RAB40C: variants seen among roughly 807,000 people sequenced by gnomAD.
The protein encoded by RAB40C is RAB40C, member RAS oncogene family.
A neutral mutation model predicts 28.1 loss-of-function variants in RAB40C; 8 were observed. The ratio of observed to expected loss-of-function variants is 0.28; its 90% CI spans 0.17 to 0.51. RAB40C has a LOEUF of 0.51. Ranked by LOEUF, RAB40C falls within the 20% of genes least tolerant of loss-of-function variation. RAB40C has a pLI of 0.97. For synonymous variants in RAB40C, 201 were observed against 171.7 expected, an observed-to-expected ratio of 1.17 and a Z score of -1.34; for missense variants, 288 against 405.9, an observed-to-expected ratio of 0.71 and a Z score of 2.50.
At chr16:596,335 C>T (rs1400164490) in intron 1 of RAB40C, 2 of 455,972 alleles carry the variant, frequency 4.4e-6, no homozygotes, top group African/African-American at 4.0e-5. Flanking sequence ...TGAGAAGGCG[C>T]GAAGCTGCTG....
intron 1 of RAB40C, among the ~76,000 whole-genome samples, chr16:593,683 T>A (rs1341738336): frequency 2.6e-5 from 4 of 152,226 alleles, no homozygotes; most frequent in Admixed American, 2.6e-4. Flanking sequence ...TACTGGCACC[T>A]GAGGCAGTGG....
intron 1 of RAB40C, among the ~76,000 whole-genome samples, chr16:597,966 G>T (rs986398471): frequency 5.1e-5 from 7 of 138,048 alleles, no homozygotes; most frequent in Admixed American, 1.5e-4. Flanking sequence ...AAAAAAAAAG[G>T]CCGGGTGCAG....
At chr16:607,186 G>A (rs1338672645) in intron 1 of RAB40C, among the ~76,000 whole-genome samples, 1 of 152,244 alleles carries the variant, frequency 6.6e-6, no homozygotes, top group Non-Finnish European at 1.5e-5. Context: ...CAGACCACCA[G>A]CACGTTGATG....
chr16:590,761 A>G (rs2035976815), intron 1 of RAB40C, among the ~76,000 whole-genome samples: 2 of 151,422 alleles, frequency 1.3e-5, no homozygotes, highest in South Asian at 2.1e-4. Context: ...GGAAGGTGTC[A>G]TGGGTCCTAG....
chr16:594,978 C>T (rs1301682381), intron 1 of RAB40C, among the ~76,000 whole-genome samples: 1 of 152,110 alleles, frequency 6.6e-6, no homozygotes, highest in Non-Finnish European at 1.5e-5. Context: ...TGCCACCATG[C>T]GTGGCTAATT....
chr16:618,053 A>G (rs1287459195), intron 2 of RAB40C, 147 bp from the exon 3 acceptor site: 4 of 721,446 alleles, frequency 5.5e-6, no homozygotes, highest in African/African-American at 1.8e-5. Context: ...ACCTGTGCAG[A>G]CAAAGCCGCT....
In RAB40C at chr16:629,204, C is replaced by T; in HGVS notation, c.*1582C>T. 1 of 251,746 alleles carries T rather than the reference C, an allele frequency of 4.0e-6. No homozygotes were observed. The highest frequency in any genetic ancestry group is 8.2e-6 in the Non-Finnish European group (1 of 121,912). 15.6% of individuals were successfully genotyped at this position (251,746 alleles called of 1,614,324 possible). On this transcript the variant is annotated 3_prime_UTR_variant, in exon 6 of 6. Transcript: ENST00000248139. ...CAACACTACCCGCGCTGCTGTTAGA[C>T]ACTCCGCCATTCCTGGTTCTCTCCG...
At chr16:597,060 G>A (rs547900574) in intron 1 of RAB40C, among the ~76,000 whole-genome samples, 2 of 152,326 alleles carry the variant, frequency 1.3e-5, no homozygotes, top group South Asian at 2.1e-4. Flanking sequence ...GAAGACCAGG[G>A]CACGACCAGA....
chr16:615,650 T>C (rs1182188421), intron 1 of RAB40C, among the ~76,000 whole-genome samples: 1 of 152,072 alleles, frequency 6.6e-6, no homozygotes, highest in Non-Finnish European at 1.5e-5. Flanking sequence ...TATAAAACTG[T>C]AAGGAAATAA....
At chr16:627,002 TA>T (rs1271719477) in intron 5 of RAB40C, among the ~76,000 whole-genome samples, 1 of 152,138 alleles carries the variant, frequency 6.6e-6, no homozygotes, top group African/African-American at 2.4e-5. Context: ...TCCCCCGCTC[TA>T]GGGGATGAGT....
In RAB40C at chr16:627,668, C is replaced by G. The variant is rs761737432; in HGVS notation, c.*46C>G. ...TGTGCAGATGCCAGGAGGGCTCGAG[C>G]TGGACACTCCTGGCTGGACGCCAGG... On this transcript the variant is annotated 3_prime_UTR_variant, in exon 6 of 6. Transcript: ENST00000248139. The G allele has an allele frequency of 4.6e-6, 7 of 1,526,310 alleles. No homozygotes were observed. Among genetic ancestry groups the G allele is most frequent in the Non-Finnish European group, 5.3e-6 (6 of 1,135,684 alleles). 94.5% of individuals were successfully genotyped at this position (1,526,310 alleles called of 1,614,324 possible).
chr16:626,114 C>A lies in RAB40C; in HGVS notation c.558C>A (p.Pro186=). 1 of 1,612,602 alleles carries A rather than the reference C, an allele frequency of 6.2e-7. No homozygotes were observed. The highest frequency in any genetic ancestry group is 8.5e-7 in the Non-Finnish European group (1 of 1,179,624). The change falls in exon 5 of 6, where the codon CCC becomes CCA. Residue 186 remains proline (P), a synonymous_variant. Coordinates refer to ENST00000248139, the MANE Select transcript of RAB40C (RefSeq NM_021168.5). Reference sequence around the variant, plus strand: ...ACGGCATGGAGAAGATCTGGAGGCCCAACCGAGGTGGGTGGGCGGGCGCCG... The same window carrying A: ...ACGGCATGGAGAAGATCTGGAGGCCAAACCGAGGTGGGTGGGCGGGCGCCG... The part of the protein sequence containing the change: ...MRHGMEKIWR[P]NRVFSLQDLC...
At chr16:591,350 A>T (rs1288105004) in intron 1 of RAB40C, among the ~76,000 whole-genome samples, 1 of 151,478 alleles carries the variant, frequency 6.6e-6, no homozygotes, top group Admixed American at 6.6e-5. Flanking sequence ...GGAAGGTGTT[A>T]TAGATCTGGG....
At position 590,374 on chromosome 16, in the gene RAB40C, G is replaced by T; in HGVS notation, c.83G>T (p.Gly28Val). 7 of 1,598,312 alleles carry T rather than the reference G, an allele frequency of 4.4e-6. No homozygotes were observed. Among genetic ancestry groups the T allele is most frequent in the Non-Finnish European group, 6.0e-6 (7 of 1,173,974 alleles). Residue 28 changes from glycine to valine, a missense_variant, in exon 1 of 6, where the codon GGC becomes GTC. This residue lies in a region of RAB40C where 78 missense variants were observed against 88.2 expected (regional missense o/e 0.88). Coordinates refer to ENST00000248139, the MANE Select transcript of RAB40C (RefSeq NM_021168.5). ...LLVGDSDVGKGEILESLQDGA... is the reference protein window; with the variant it reads ...LLVGDSDVGKVEILESLQDGA... ...GTGGGCGACAGCGACGTGGGCAAGG[G>T]CGAGATCCTGGAGAGCCTGCAGGAC...
At chr16:626,417 C>G (rs977130325) in intron 5 of RAB40C, among the ~76,000 whole-genome samples, 1 of 152,184 alleles carries the variant, frequency 6.6e-6, no homozygotes, top group Admixed American at 6.5e-5. Context: ...GCAGTGTGTG[C>G]TCGCTCCTTC....
At chr16:622,756 G>A (rs1297724361) in intron 3 of RAB40C, among the ~76,000 whole-genome samples, 7 of 152,102 alleles carry the variant, frequency 4.6e-5, no homozygotes, top group East Asian at 1.9e-4. Flanking sequence ...CGCCTGCCTC[G>A]GCCTCCCAAA....
intron 3 of RAB40C, among the ~76,000 whole-genome samples, chr16:623,648 A>C (rs944680903): frequency 6.7e-6 from 1 of 149,288 alleles, no homozygotes; most frequent in African/African-American, 2.5e-5. Context: ...AAAAAAAAAA[A>C]AAAAGAAATC....
chr16:614,518 TACCTCGTCCCGATGGTGAACTGCCTAA>T (rs2036548641), intron 1 of RAB40C, among the ~76,000 whole-genome samples: 1 of 134,930 alleles, frequency 7.4e-6, no homozygotes, highest in African/African-American at 2.8e-5. Flanking sequence ...TGCCAAACTT[TACCTCGTCCCGATGGTGAACTGCCTAA>T]ACCTCGTCCC....
chr16:627,769 G>A lies in RAB40C; in HGVS notation c.*147G>A. 9.5e-7 allele frequency: 1 copy of A among 1,056,932 alleles called. No homozygotes were observed. The highest frequency in any genetic ancestry group is 1.9e-5 in the South Asian group (1 of 53,494). The allele number at this position is 1,056,932 out of a possible 1,614,324, so 65.5% of individuals were successfully genotyped here. A position where few individuals can be genotyped will look rare whatever the true frequency, so the allele number is the denominator to read the frequency against. ...GGCTTTCCTCACACCTGAGCCGGGT[G>A]CGAGGAGGAGCATGCACGGACCAAG... is the stretch of plus-strand genomic sequence containing the variant. On this transcript the variant is annotated 3_prime_UTR_variant, in exon 6 of 6. Transcript: ENST00000248139.
Sources: gnomAD v4.1 joint callset for allele counts (sites outside exome capture counted in the v4.1 genomes callset) on GRCh38, gnomAD v4.1.1 for gene constraint, gnomAD v4.1.1 regional missense constraint, MANE v1.5 for transcripts, NCBI Gene and HGNC (gene_info 2026-07-23, HGNC 2026-07-21) for gene names.